The following LUZP1 variants were observed in gnomAD, a reference collection of about 807,000 sequenced individuals.
The protein encoded by LUZP1 is leucine zipper protein 1, also known as filamin mechanobinding actin cross-linking protein.
A neutral mutation model predicts 71.3 loss-of-function variants in LUZP1; 25 were observed. The observed-to-expected ratio is 0.35, with a 90% confidence interval of 0.26 to 0.49. LUZP1 has a LOEUF of 0.49. LUZP1 is among the 20% of genes least tolerant of loss of function. LUZP1 has a pLI of 0.99. For synonymous variants in LUZP1, 481 were observed against 506.4 expected (o/e 0.95, Z 0.67); for missense variants, 1,142 against 1,300.8 (o/e 0.88, Z 1.88).
At position 23,167,986 on chromosome 1, in the gene LUZP1, C is replaced by T. The variant is rs1644523981; in HGVS notation, c.-226+780G>A. 2.0e-5 allele frequency among the ~76,000 whole-genome samples: 3 copies of T among 151,410 alleles called. No individual in the cohort carries two copies. In the South Asian group the frequency reaches 6.2e-4, roughly 31 times the overall value. On this transcript the variant is annotated intron_variant, in intron 2 of 4. Coordinates refer to ENST00000302291, the Ensembl canonical transcript of LUZP1. The stretch of plus-strand genomic sequence containing the variant: ...GGCCCCGGCCCCGCTCGCCGGCGTC[C>T]CCCTGCAGATTCCACCATTAATTAG...
exon 4 of LUZP1, chr1:23,092,423 C>T (rs749975075): frequency 6.2e-7 from 1 of 1,614,162 alleles, no homozygotes; most frequent in Non-Finnish European, 8.5e-7. Flanking sequence ...GAAGGATGTT[C>T]TCTTGGCTTC....
chr1:23,104,208 C>T (rs1455859409), intron 3 of LUZP1, among the ~76,000 whole-genome samples: 2 of 149,374 alleles, frequency 1.3e-5, no homozygotes, highest in African/African-American at 2.5e-5. Context: ...GAGACGGAAT[C>T]TCGTTCCATC....
intron 2 of LUZP1, among the ~76,000 whole-genome samples, chr1:23,128,556 C>T (rs1020983413): frequency 7.2e-5 from 11 of 152,108 alleles, no homozygotes; most frequent in Non-Finnish European, 1.6e-4. Context: ...TTATTAAAAC[C>T]CCATTATATT....
intron 2 of LUZP1, among the ~76,000 whole-genome samples, chr1:23,131,627 T>C (rs910727197): frequency 2.0e-5 from 3 of 152,202 alleles, no homozygotes; most frequent in Non-Finnish European, 4.4e-5. Context: ...CCTAATACTG[T>C]AGTTCTCCTC....
chr1:23,091,992 T>C (rs1557626111), exon 4 of LUZP1: 2 of 1,614,170 alleles, frequency 1.2e-6, no homozygotes, highest in Non-Finnish European at 1.7e-6. Context: ...AATAACAGGT[T>C]TGATGATGGC....
At chr1:23,100,532 T>G (rs1314134610) in intron 3 of LUZP1, among the ~76,000 whole-genome samples, 1 of 152,208 alleles carries the variant, frequency 6.6e-6, no homozygotes, top group Admixed American at 6.5e-5. Context: ...ACTCACAGGA[T>G]GTTCAGCTCT....
intron 3 of LUZP1, among the ~76,000 whole-genome samples, chr1:23,104,594 C>A (rs762842708): frequency 2.0e-5 from 3 of 152,168 alleles, no homozygotes; most frequent in Non-Finnish European, 1.5e-5. Flanking sequence ...ATCACTATAT[C>A]CATGATACTT....
At chr1:23,129,645 T>C (rs1464532952) in intron 2 of LUZP1, among the ~76,000 whole-genome samples, 1 of 152,130 alleles carries the variant, frequency 6.6e-6, no homozygotes, top group Non-Finnish European at 1.5e-5. Context: ...AACATGCACA[T>C]AGCCTTCTTA....
At chr1:23,124,795 T>G (rs565750093) in intron 2 of LUZP1, among the ~76,000 whole-genome samples, 23 of 152,328 alleles carry the variant, frequency 1.5e-4, no homozygotes, top group African/African-American at 5.5e-4. Context: ...GACTTCATAT[T>G]CTAGTATCTA....
exon 5 of LUZP1, chr1:23,085,764 G>A (rs915838213): frequency 5.3e-5 from 8 of 152,096 alleles, no homozygotes; most frequent in East Asian, 1.9e-4. Flanking sequence ...CCCACACTGT[G>A]ACTCTTTCTC....
chr1:23,104,702 G>C (rs1355280507), intron 3 of LUZP1, among the ~76,000 whole-genome samples: 1 of 152,144 alleles, frequency 6.6e-6, no homozygotes, highest in East Asian at 1.9e-4. Flanking sequence ...GGGCAAGGTA[G>C]GAACCTTATA....
chr1:23,083,670 T>TA (rs1446895794), downstream of LUZP1: 1 of 210,354 alleles, frequency 4.8e-6, no homozygotes, highest in Admixed American at 5.7e-5. Context: ...ATTTTGAGAA[T>TA]AAAACTTCAT....
In LUZP1 at chr1:23,123,013, C is replaced by T. The variant is rs530068932; in HGVS notation, c.-225-13886G>A. Among the ~76,000 whole-genome samples, 6 of 152,266 alleles carry T rather than the reference C, an allele frequency of 3.9e-5. No individual in the cohort carries two copies. In the East Asian group the frequency reaches 1.2e-3, roughly 29 times the overall value. On this transcript the variant is annotated intron_variant, in intron 2 of 4. Coordinates refer to ENST00000302291, the Ensembl canonical transcript of LUZP1. ...ACTGAAGGACAAGATGCAGCATGCT[C>T]GGGAAGTCAGCTAAATGCTTTTCAT...
intron 2 of LUZP1, among the ~76,000 whole-genome samples, chr1:23,111,191 C>T (rs897325544): frequency 2.0e-4 from 17 of 85,284 alleles, no homozygotes; most frequent in East Asian, 6.6e-4. Flanking sequence ...CACAGTGAGA[C>T]GCTGTCTCAA....
At chr1:23,150,458 T>C (rs572659258) in intron 2 of LUZP1, among the ~76,000 whole-genome samples, 5 of 152,216 alleles carry the variant, frequency 3.3e-5, no homozygotes, top group East Asian at 1.9e-4. Flanking sequence ...TTTTCACTTA[T>C]GGGTTAGGAG....
At chr1:23,083,780 AATAC>A (rs1643697187), downstream of LUZP1, 1 of 154,694 alleles carries the variant, frequency 6.5e-6, no homozygotes, top group African/African-American at 2.4e-5. Flanking sequence ...TGGCAATAGT[AATAC>A]ATGTTTTCTC....
chr1:23,102,908 ATTTCATTTCATT>A (rs1643942571), intron 3 of LUZP1, among the ~76,000 whole-genome samples: 1 of 151,980 alleles, frequency 6.6e-6, no homozygotes, highest in African/African-American at 2.4e-5. Flanking sequence ...TTTATATTTC[ATTTCATTTCATT>A]TTTCATTTCA....
At chr1:23,103,063 G>T (rs1643943918) in intron 3 of LUZP1, among the ~76,000 whole-genome samples, 1 of 151,414 alleles carries the variant, frequency 6.6e-6, no homozygotes, top group African/African-American at 2.4e-5. Flanking sequence ...CTCCCAAGCA[G>T]CTGGGACTCA....
Position 23,094,166 on chromosome 1 carries a change from T to C in LUZP1, c.96A>G (p.Glu32=). Residue 32 remains glutamate (E), a synonymous_variant, in exon 4 of 5, where the codon GAA becomes GAG. Coordinates refer to ENST00000302291, the Ensembl canonical transcript of LUZP1. The surrounding 1 kb of genome is among the most constrained non-coding windows in gnomAD (Gnocchi z 4.7). ...CTGCTTTCTGGAGGTTTTTTGTGGC[T>C]TCCTCCAACTCATCAAGGCGGCGGC... 6.2e-7 allele frequency: 1 copy of C among 1,614,182 alleles called. No homozygotes were observed. The highest frequency in any genetic ancestry group is 8.5e-7 in the Non-Finnish European group (1 of 1,180,020).
Sources: gnomAD v4.1 joint callset for allele counts (sites outside exome capture counted in the v4.1 genomes callset) on GRCh38, gnomAD v4.1.1 for gene constraint, Gnocchi (gnomAD v3.1) non-coding constraint, MANE v1.5 for transcripts, NCBI Gene and HGNC (gene_info 2026-07-23, HGNC 2026-07-21) for gene names.